CSMD1: variants seen among roughly 807,000 people sequenced by gnomAD.
The protein encoded by CSMD1 is CUB and sushi domain-containing protein 1.
Under a neutral mutation model 417.5 loss-of-function variants are expected in CSMD1, and 213 were observed. The ratio of observed to expected loss-of-function variants is 0.51; its 90% CI spans 0.46 to 0.57. The LOEUF (loss-of-function observed/expected upper bound fraction) is 0.57. Ranked by LOEUF, CSMD1 falls within the 20% of genes least tolerant of loss-of-function variation. CSMD1 has a pLI of 0.00. For missense variants in CSMD1, 6,923 were observed against 4,529.7 expected (o/e 1.53, Z -15.17); for synonymous variants, 2,862 against 1,736.8 (o/e 1.65, Z -16.11).
intron 1 of CSMD1, among the ~76,000 whole-genome samples, chr8:4,826,846 G>C (rs117507921): frequency 0.013 from 2,028 of 152,198 alleles, 13 homozygotes; most frequent in Non-Finnish European, 0.02. Flanking sequence ...TATGTTATTA[G>C]TGCCAGCTGA....
Position 3,979,363 on chromosome 8 carries a change from G to A in CSMD1, c.818+18540C>T, listed in dbSNP as rs151088104. Among the ~76,000 whole-genome samples the A allele has an allele frequency of 7.2e-4, 110 of 152,314 alleles. No homozygotes were observed. The Middle Eastern group carries it at 0.01, about 14-fold the overall frequency. ...TGGCTGTTCTAAGGCATGAGAGAATGACTAAGGACAGCTGGAGGAGACATC... is the reference window on the plus strand; with the variant it reads ...TGGCTGTTCTAAGGCATGAGAGAATAACTAAGGACAGCTGGAGGAGACATC... On this transcript the variant is annotated intron_variant, in intron 5 of 69. Coordinates refer to ENST00000635120, the MANE Select transcript of CSMD1 (RefSeq NM_033225.6).
intron 25 of CSMD1, among the ~76,000 whole-genome samples, chr8:3,297,007 T>C (rs1289569099): frequency 1.3e-5 from 2 of 152,190 alleles, no homozygotes; most frequent in East Asian, 3.9e-4. Flanking sequence ...GGATGAAATC[T>C]TCGAAGTTCT....
At chr8:4,104,422 A>ACATGCGCACACG (rs1391638535) in intron 3 of CSMD1, among the ~76,000 whole-genome samples, 2 of 148,202 alleles carry the variant, frequency 1.3e-5, no homozygotes, top group African/African-American at 5.0e-5. Context: ...ACGCACACAC[A>ACATGCGCACACG]CATGCGCACA....
chr8:4,098,083 A>G (rs1248537764), intron 3 of CSMD1, among the ~76,000 whole-genome samples: 9 of 152,184 alleles, frequency 5.9e-5, no homozygotes, highest in African/African-American at 1.7e-4. Context: ...TTAAAATAAA[A>G]TATCTCAACA....
chr8:4,204,132 ATCTGTCAGTTTTCAAG>A (rs1420242799), intron 3 of CSMD1, among the ~76,000 whole-genome samples: 1 of 152,076 alleles, frequency 6.6e-6, no homozygotes, highest in Non-Finnish European at 1.5e-5. Flanking sequence ...AACTTAAAGG[ATCTGTCAGTTTTCAAG>A]TCCTGAAATT....
chr8:4,853,656 C>G (rs945470717), intron 1 of CSMD1, among the ~76,000 whole-genome samples: 1 of 152,198 alleles, frequency 6.6e-6, no homozygotes, highest in South Asian at 2.1e-4. Context: ...CACTGGAACA[C>G]TACCCAGTGG....
chr8:3,379,095 C>T (rs534667546), intron 18 of CSMD1, among the ~76,000 whole-genome samples: 2 of 152,266 alleles, frequency 1.3e-5, no homozygotes, highest in Admixed American at 1.3e-4. Context: ...CATTCCTATA[C>T]ATAAATAATA....
At chr8:4,546,077 C>T (rs1410161073) in intron 2 of CSMD1, among the ~76,000 whole-genome samples, 1 of 152,190 alleles carries the variant, frequency 6.6e-6, no homozygotes, top group Admixed American at 6.5e-5. Context: ...TCATCAGACA[C>T]CCTCACCCAG....
rs540697630 is a variant in CSMD1, at chr8:3,126,660, T to C, written c.6242-8073A>G. Among the ~76,000 whole-genome samples, 18 of 152,332 alleles carry C rather than the reference T, an allele frequency of 1.2e-4. No homozygotes were observed. The South Asian group carries it at 2.7e-3, about 23-fold the overall frequency. ...CTGGGATAGCATATCACTCTTTCTT[T>C]ATAACCAAGGATATCACCCTGGTTC... On this transcript the variant is annotated intron_variant, in intron 41 of 69. Transcript: ENST00000635120.
In CSMD1 at chr8:4,920,872, A is replaced by G. The variant is rs1409791414; in HGVS notation, c.85+73460T>C. On this transcript the variant is annotated intron_variant, in intron 1 of 69. Transcript: ENST00000635120. ...AAAAGAAAAGAAAAGAAAAGAAAAG[A>G]AAAGAAAAGAAAAGAAAAGAAAAGA... Among the ~76,000 whole-genome samples the G allele has an allele frequency of 3.5e-4, 6 of 17,248 alleles. 1 individual carries two copies. Among genetic ancestry groups the G allele is most frequent in the Admixed American group, 2.3e-3 (2 of 862 alleles). The allele number at this position is 17,248 out of a possible 152,430, so 11.3% of individuals were successfully genotyped here.
chr8:3,363,177 C>T (rs917112518), intron 20 of CSMD1, among the ~76,000 whole-genome samples: 1 of 152,142 alleles, frequency 6.6e-6, no homozygotes, highest in East Asian at 1.9e-4. Context: ...CCTGTCCATT[C>T]CCTGCTTCAC....
At chr8:3,476,785 G>A (rs1367946078) in intron 11 of CSMD1, among the ~76,000 whole-genome samples, 3 of 151,952 alleles carry the variant, frequency 2.0e-5, no homozygotes, top group Non-Finnish European at 4.4e-5. Context: ...AGGCTTGGTG[G>A]CAGACATCTG....
intron 54 of CSMD1, among the ~76,000 whole-genome samples, chr8:2,992,204 C>T (rs941934364): frequency 6.7e-6 from 1 of 149,322 alleles, no homozygotes; most frequent in East Asian, 1.9e-4. Context: ...CACATACATA[C>T]ACACATGCAC....
At chr8:3,977,653 T>G (rs1813540244) in intron 5 of CSMD1, among the ~76,000 whole-genome samples, 1 of 152,220 alleles carries the variant, frequency 6.6e-6, no homozygotes, top group African/African-American at 2.4e-5. Flanking sequence ...ATCTGGAACC[T>G]TCTCCTTTCT....
chr8:3,355,241 A>T (rs1030823493), intron 21 of CSMD1, among the ~76,000 whole-genome samples: 1 of 152,112 alleles, frequency 6.6e-6, no homozygotes, highest in Non-Finnish European at 1.5e-5. Context: ...GCTTATGCTG[A>T]TGTATACATA....
At chr8:4,479,334 T>G (rs754202500) in intron 2 of CSMD1, among the ~76,000 whole-genome samples, 2 of 152,306 alleles carry the variant, frequency 1.3e-5, no homozygotes, top group Non-Finnish European at 2.9e-5. Context: ...TTTTATACAG[T>G]TGAACAGCTG....
intron 2 of CSMD1, among the ~76,000 whole-genome samples, chr8:4,503,095 GTGAATT>G (rs915934821): frequency 1.3e-5 from 2 of 152,152 alleles, no homozygotes; most frequent in African/African-American, 4.8e-5. Context: ...AACAAGAACT[GTGAATT>G]TGAATCTTAG....
At chr8:4,446,373 C>T (rs967670900) in intron 2 of CSMD1, among the ~76,000 whole-genome samples, 1 of 152,042 alleles carries the variant, frequency 6.6e-6, no homozygotes, top group Non-Finnish European at 1.5e-5. Context: ...CATGGCAGAA[C>T]CCCAACTCCA....
chr8:3,273,574 C>G (rs1244628580), intron 26 of CSMD1, among the ~76,000 whole-genome samples: 1 of 152,064 alleles, frequency 6.6e-6, no homozygotes, highest in South Asian at 2.1e-4. Flanking sequence ...CACTCTTTTT[C>G]GTTGGTAAGC....
Sources: allele counts gnomAD v4.1 joint callset (sites outside exome capture counted in the v4.1 genomes callset), GRCh38; gene constraint gnomAD v4.1.1; transcripts MANE v1.5; gene names NCBI Gene and HGNC (gene_info 2026-07-23, HGNC 2026-07-21).